GPC6: variants seen among roughly 807,000 people sequenced by gnomAD.
The protein encoded by GPC6 is glypican-6.
Under a neutral mutation model 55.2 loss-of-function variants are expected in GPC6, and 14 were observed. The observed-to-expected ratio is 0.25, with a 90% CI of 0.17 to 0.40. The LOEUF (loss-of-function observed/expected upper bound fraction) is 0.40. GPC6 is among the 10% of genes least tolerant of loss of function. GPC6 has a pLI of 1.00. For missense variants in GPC6, 641 were observed against 708.5 expected (o/e 0.90, Z 1.08); for synonymous variants, 278 against 259.6 (o/e 1.07, Z -0.68).
At chr13:93,472,692 T>C (rs1879163231) in intron 1 of GPC6, among the ~76,000 whole-genome samples, 1 of 152,182 alleles carries the variant, frequency 6.6e-6, no homozygotes. Context: ...TCTCTTCTTC[T>C]CTCCTCTCCT....
intron 2 of GPC6, among the ~76,000 whole-genome samples, chr13:93,728,330 C>A (rs1026542054): frequency 6.6e-6 from 1 of 151,826 alleles, no homozygotes; most frequent in Non-Finnish European, 1.5e-5. Context: ...AATTCTCTGA[C>A]CTGAGCCTCC....
At chr13:94,222,708 G>T (rs1027720434) in intron 4 of GPC6, among the ~76,000 whole-genome samples, 1 of 152,106 alleles carries the variant, frequency 6.6e-6, no homozygotes, top group Admixed American at 6.6e-5. Flanking sequence ...TTAAAATCAA[G>T]AAGTATCTAA....
chr13:94,276,575 T>C (rs1161576877), intron 4 of GPC6, among the ~76,000 whole-genome samples: 1 of 152,060 alleles, frequency 6.6e-6, no homozygotes, highest in Non-Finnish European at 1.5e-5. Context: ...TGTTGACCCA[T>C]CCTCTAAGTT....
intron 2 of GPC6, among the ~76,000 whole-genome samples, chr13:93,554,782 A>G (rs1313382789): frequency 5.9e-5 from 9 of 152,206 alleles, no homozygotes; most frequent in Admixed American, 5.2e-4. Context: ...CCAAATGTGA[A>G]GGAAGAACCA....
At chr13:93,685,804 A>AT (rs1175709188) in intron 2 of GPC6, among the ~76,000 whole-genome samples, 4 of 152,108 alleles carry the variant, frequency 2.6e-5, no homozygotes, top group African/African-American at 9.7e-5. Flanking sequence ...TATGAAAAAT[A>AT]TTTTCTCAAA....
chr13:93,713,273 A>G (rs1400991123), intron 2 of GPC6, among the ~76,000 whole-genome samples: 1 of 151,654 alleles, frequency 6.6e-6, no homozygotes, highest in Non-Finnish European at 1.5e-5. Context: ...TACAGAAAAA[A>G]TTAACCTAAA....
At chr13:94,334,880 T>C (rs1877601868) in intron 6 of GPC6, among the ~76,000 whole-genome samples, 1 of 152,192 alleles carries the variant, frequency 6.6e-6, no homozygotes, top group African/African-American at 2.4e-5. Context: ...AAAAGAGTAA[T>C]ATTAATAGTT....
chr13:94,065,846 A>G (rs1023806366), intron 4 of GPC6, among the ~76,000 whole-genome samples: 2 of 152,196 alleles, frequency 1.3e-5, no homozygotes, highest in African/African-American at 4.8e-5. Flanking sequence ...CCATTAGAAG[A>G]CAGGCACTGT....
At chr13:93,804,021 TA>T (rs1272682407) in intron 2 of GPC6, among the ~76,000 whole-genome samples, 3 of 152,134 alleles carry the variant, frequency 2.0e-5, no homozygotes. Context: ...CAGTTATGAA[TA>T]GGTGAATATA....
intron 3 of GPC6, among the ~76,000 whole-genome samples, chr13:94,011,699 T>C (rs1882252851): frequency 6.6e-6 from 1 of 152,188 alleles, no homozygotes; most frequent in Admixed American, 6.5e-5. Context: ...TCCTGGCATT[T>C]GCAGCAGTGG....
intron 3 of GPC6, among the ~76,000 whole-genome samples, chr13:93,947,693 T>C (rs1172814662): frequency 3.3e-5 from 5 of 152,132 alleles, no homozygotes; most frequent in African/African-American, 1.2e-4. Flanking sequence ...AGCATCAAGA[T>C]TGATTCCCCG....
intron 2 of GPC6, among the ~76,000 whole-genome samples, chr13:93,625,913 C>T (rs1050163589): frequency 6.6e-6 from 1 of 152,164 alleles, no homozygotes; most frequent in East Asian, 1.9e-4. Context: ...ATTGTGGGAT[C>T]CTTTTCTCCT....
At chr13:93,897,000 T>A (rs1876051080) in intron 3 of GPC6, among the ~76,000 whole-genome samples, 2 of 143,922 alleles carry the variant, frequency 1.4e-5, no homozygotes, top group Admixed American at 7.1e-5. Context: ...TTTTTTTTTT[T>A]AACATTTTCT....
chr13:93,768,666 G>A (rs1421254255), intron 2 of GPC6, among the ~76,000 whole-genome samples: 4 of 152,248 alleles, frequency 2.6e-5, no homozygotes, highest in African/African-American at 4.8e-5. Context: ...AGTTATGATC[G>A]CGTGCAGTGA....
chr13:93,498,810 A>AC (rs1307309452), intron 1 of GPC6, among the ~76,000 whole-genome samples: 1 of 152,022 alleles, frequency 6.6e-6, no homozygotes, highest in Non-Finnish European at 1.5e-5. Flanking sequence ...ATTCTTTATG[A>AC]TATTACTTTA....
At chr13:93,876,944 G>T (rs1874628884) in intron 3 of GPC6, among the ~76,000 whole-genome samples, 1 of 152,016 alleles carries the variant, frequency 6.6e-6, no homozygotes, top group African/African-American at 2.4e-5. Context: ...CTTGATTGGA[G>T]ATCATTTCCA....
intron 4 of GPC6, among the ~76,000 whole-genome samples, chr13:94,237,056 G>GTTA (rs1429208354): frequency 6.6e-6 from 1 of 152,108 alleles, no homozygotes; most frequent in Non-Finnish European, 1.5e-5. Flanking sequence ...GAGGTTAAAA[G>GTTA]GACAGGAAAC....
intron 4 of GPC6, among the ~76,000 whole-genome samples, chr13:94,070,643 T>C (rs548595768): frequency 6.6e-6 from 1 of 152,342 alleles, no homozygotes; most frequent in East Asian, 1.9e-4. Flanking sequence ...AAGTCTATCC[T>C]TTCTAGAGTT....
At chr13:94,230,200 T>C (rs1268748670) in intron 4 of GPC6, among the ~76,000 whole-genome samples, 1 of 152,148 alleles carries the variant, frequency 6.6e-6, no homozygotes. Context: ...ACTCAGTACC[T>C]TCCCTTCCTT....
Sources: gnomAD v4.1 joint callset for allele counts (sites outside exome capture counted in the v4.1 genomes callset) on GRCh38, gnomAD v4.1.1 for gene constraint, MANE v1.5 for transcripts, NCBI Gene and HGNC (gene_info 2026-07-23, HGNC 2026-07-21) for gene names.